Variants in GPHN observed in about 807,000 individuals in gnomAD.
The protein encoded by GPHN is gephyrin.
GPHN carries 17 observed loss-of-function variants against 95.5 expected under a neutral mutation model. The observed-to-expected ratio is 0.18, with a 90% CI of 0.12 to 0.27. GPHN has a LOEUF of 0.27. Among genes scored for constraint, GPHN ranks in the 10% least tolerant of loss-of-function variants. The probability of loss-of-function intolerance (pLI) is 1.00; values close to 1 mark genes in which losing one functional copy is unlikely to be tolerated. For synonymous variants in GPHN, 320 were observed against 322.5 expected (o/e 0.99, Z 0.08); for missense variants, 660 against 978.1 (o/e 0.67, Z 4.34).
chr14:66,615,061 C>T (rs1316999497), intron 1 of GPHN, among the ~76,000 whole-genome samples: 1 of 152,140 alleles, frequency 6.6e-6, no homozygotes, highest in African/African-American at 2.4e-5. Flanking sequence ...TTTTTTATGG[C>T]TGCATAGTGT....
At chr14:66,795,165 T>A (rs1373321462) in intron 3 of GPHN, among the ~76,000 whole-genome samples, 2 of 152,178 alleles carry the variant, frequency 1.3e-5, no homozygotes, top group Non-Finnish European at 2.9e-5. Flanking sequence ...TATCTGCATA[T>A]TTGAATTGAC....
intron 1 of GPHN, among the ~76,000 whole-genome samples, chr14:66,673,706 A>T (rs2066427547): frequency 2.0e-5 from 3 of 152,226 alleles, no homozygotes; most frequent in African/African-American, 7.2e-5. Context: ...ATTTAAGAAG[A>T]TCTCAGTTTC....
At chr14:67,115,658 C>A (rs1023661392) in intron 16 of GPHN, among the ~76,000 whole-genome samples, 20 of 152,138 alleles carry the variant, frequency 1.3e-4, no homozygotes, top group African/African-American at 4.8e-4. Context: ...TTGCTTGAAC[C>A]CGGGAGGCGG....
intron 17 of GPHN, chr14:67,142,941 A>G (rs927113878): frequency 4.2e-6 from 1 of 239,770 alleles, no homozygotes; most frequent in Non-Finnish European, 8.2e-6. Context: ...CACCTAAGAC[A>G]TTCTCTCTAA....
intron 5 of GPHN, among the ~76,000 whole-genome samples, chr14:66,903,609 T>A (rs1305232957): frequency 6.6e-6 from 1 of 152,180 alleles, no homozygotes; most frequent in East Asian, 1.9e-4. Context: ...GCACTCTATG[T>A]CTTTGCCTTG....
rs754020087 is a variant in GPHN at position 67,159,460 on chromosome 14, C to T, written c.1882C>T (p.His628Tyr). 2 of 1,606,860 alleles carry T rather than the reference C, an allele frequency of 1.2e-6. No individual in the cohort carries two copies. The highest frequency in any genetic ancestry group is 2.2e-5 in the South Asian group (2 of 90,934). The change falls in exon 19 of 23, where the codon CAT becomes TAT. Residue 628 changes from histidine to tyrosine, a missense_variant. Physicochemically the swap from His to Tyr is moderately conservative, Grantham distance 83. Transcript: ENST00000478722. ...VLDIDLHAQI[H>Y]FGRVFMKPGL... ...GGACATTGATCTTCATGCTCAGATC[C>T]ATTTTGGCAGGGTTTTTATGAAACC...
chr14:67,419,915 G>T, the GPHN span, among the ~76,000 whole-genome samples: 6 of 152,064 alleles, frequency 3.9e-5, no homozygotes, highest in African/African-American at 1.4e-4. Context: ...TCCCCAGAGC[G>T]GGTGCTTTTT....
chr14:66,816,520 C>T (rs931335528), intron 3 of GPHN, among the ~76,000 whole-genome samples: 1 of 152,156 alleles, frequency 6.6e-6, no homozygotes, highest in South Asian at 2.1e-4. Context: ...TCTACAATTA[C>T]ATGGAAACTG....
chr14:66,637,943 A>T (rs929727604), intron 1 of GPHN, among the ~76,000 whole-genome samples: 1 of 152,074 alleles, frequency 6.6e-6, no homozygotes. Flanking sequence ...TTGATATTTT[A>T]TGACTTTTAT....
intron 1 of GPHN, among the ~76,000 whole-genome samples, chr14:66,512,712 G>A (rs141138866): frequency 1.7e-3 from 262 of 151,704 alleles, no homozygotes; most frequent in Middle Eastern, 3.4e-3. Context: ...GAGTATTTCA[G>A]TTATTCATAA....
At chr14:67,685,522 T>G in the GPHN span, among the ~76,000 whole-genome samples, 18 of 152,224 alleles carry the variant, frequency 1.2e-4, no homozygotes, top group Non-Finnish European at 2.5e-4. Flanking sequence ...GGGGTCTCCC[T>G]ATGTTGACCA....
At chr14:67,484,146 T>A in the GPHN span, among the ~76,000 whole-genome samples, 1 of 152,228 alleles carries the variant, frequency 6.6e-6, no homozygotes, top group South Asian at 2.1e-4. Flanking sequence ...ATTTTCTACA[T>A]AGCACTTTCA....
the GPHN span, chr14:67,691,254 C>T: frequency 1.4e-3 from 2,290 of 1,602,554 alleles, 4 homozygotes; most frequent in Non-Finnish European, 1.8e-3. Context: ...TCTGCAGGGA[C>T]AAGACGATGG....
chr14:67,634,170 T>C, the GPHN span, among the ~76,000 whole-genome samples: 62,014 of 152,052 alleles, frequency 0.41, 15,208 homozygotes, highest in African/African-American at 0.69. Context: ...CTTGATGAGT[T>C]TTCCCAAACC....
At chr14:66,525,242 A>G (rs1285206325) in intron 1 of GPHN, among the ~76,000 whole-genome samples, 1 of 152,160 alleles carries the variant, frequency 6.6e-6, no homozygotes, top group Non-Finnish European at 1.5e-5. Flanking sequence ...TTCTGTAATG[A>G]CCAGTGATGA....
At position 67,065,757 on chromosome 14, in the gene GPHN, C is replaced by CTTT. The variant is rs201638278; in HGVS notation, c.1144+6985_1144+6987dup. 2.1e-3 allele frequency among the ~76,000 whole-genome samples: 265 copies of CTTT among 128,494 alleles called. 2 individuals carry two copies. Among genetic ancestry groups the CTTT allele is most frequent in the African/African-American group, 6.9e-3 (234 of 33,866 alleles). 84.3% of individuals were successfully genotyped at this position (128,494 alleles called of 152,430 possible). A position where few individuals can be genotyped will look rare whatever the true frequency, so the allele number is the denominator to read the frequency against. On this transcript the variant is annotated intron_variant, in intron 11 of 22. Transcript: ENST00000478722. ...TGAGAGATTAGGATGGCAACCCCTG[C>CTTT]TTTTTTTTTTTTTTTTGCTTTCCAT...
chr14:67,573,925 G>C, the GPHN span: 4 of 1,470,468 alleles, frequency 2.7e-6, no homozygotes, highest in Non-Finnish European at 3.8e-6. This position sits in a 1 kb window ranked among gnomAD's most constrained non-coding sequence, Gnocchi z 4.8. Context: ...TTAAACAGAA[G>C]AGGTGCTGGG....
At chr14:67,642,276 T>A in the GPHN span, 1 of 1,614,044 alleles carries the variant, frequency 6.2e-7, no homozygotes, top group Non-Finnish European at 8.5e-7. Context: ...CCACGCTCAG[T>A]GGGTCTTGCC....
chr14:67,715,488 A>G, the GPHN span, among the ~76,000 whole-genome samples: 2 of 152,240 alleles, frequency 1.3e-5, no homozygotes, highest in African/African-American at 2.4e-5. Context: ...AGCTTTGCAC[A>G]GCTTTGCCCC....
Sources: allele counts gnomAD v4.1 joint callset (sites outside exome capture counted in the v4.1 genomes callset), GRCh38; gene constraint gnomAD v4.1.1; non-coding constraint Gnocchi (gnomAD v3.1); transcripts MANE v1.5; gene names NCBI Gene and HGNC (gene_info 2026-07-23, HGNC 2026-07-21).